Variants in MAP6D1 observed in about 807,000 individuals in gnomAD.
The protein encoded by MAP6D1 is MAP6 domain containing 1.
In MAP6D1, 13 loss-of-function variants were observed where a neutral mutation model predicts 17.4. That is an observed-to-expected ratio of 0.75 (90% CI 0.49 to 1.19). The LOEUF (loss-of-function observed/expected upper bound fraction) is 1.19. MAP6D1 is among the 50% of genes most tolerant of loss of function. The probability of loss-of-function intolerance (pLI) is 0.00; values close to 1 mark genes in which losing one functional copy is unlikely to be tolerated. For missense variants in MAP6D1, 313 were observed against 312.6 expected (o/e 1.00, Z -0.01); for synonymous variants, 141 against 145.7 (o/e 0.97, Z 0.23).
chr3:183,822,863 G>A (rs1032802526), intron 1 of MAP6D1, among the ~76,000 whole-genome samples: 1 of 152,254 alleles, frequency 6.6e-6, no homozygotes, highest in Admixed American at 6.5e-5. Flanking sequence ...GCAGGGCAAG[G>A]GGTGGAGCTT....
chr3:183,825,261 C>A lies in MAP6D1; in HGVS notation c.287G>T (p.Arg96Leu). The change falls in exon 1 of 3, where the codon CGC becomes CTC. Residue 96 changes from arginine (R) to leucine (L), a missense_variant. Coordinates refer to ENST00000318631, the MANE Select transcript of MAP6D1 (RefSeq NM_024871.4). The part of the protein sequence containing the change: ...PPGRGPGAGG[R>L]RGKSSAQSSA... ...GGACTGCGCGGAGGATTTGCCCCTG[C>A]GGCCGCCCGCCCCCGGTCCGCGCCC... The A allele has an allele frequency of 4.5e-6, 6 of 1,347,722 alleles. No homozygotes were observed. Among genetic ancestry groups the A allele is most frequent in the Non-Finnish European group, 5.7e-6 (6 of 1,051,668 alleles). The allele number at this position is 1,347,722 out of a possible 1,614,324, so 83.5% of individuals were successfully genotyped here. A position where few individuals can be genotyped will look rare whatever the true frequency, so the allele number is the denominator to read the frequency against.
chr3:183,824,350 C>T (rs1164699253), intron 1 of MAP6D1, among the ~76,000 whole-genome samples: 1 of 152,108 alleles, frequency 6.6e-6, no homozygotes, highest in East Asian at 1.9e-4. Context: ...AAATACTGCA[C>T]GTTTATTAAA....
chr3:183,817,830 G>T (rs1279872571), intron 2 of MAP6D1, among the ~76,000 whole-genome samples, 164 bp downstream of exon 2: 1 of 152,198 alleles, frequency 6.6e-6, no homozygotes, highest in Non-Finnish European at 1.5e-5. Flanking sequence ...CACCCAGCTG[G>T]CTACTGATGA....
intron 1 of MAP6D1, among the ~76,000 whole-genome samples, chr3:183,819,941 A>T (rs145353422): frequency 6.6e-6 from 1 of 152,216 alleles, no homozygotes; most frequent in Non-Finnish European, 1.5e-5. Context: ...GGGAGCAAGG[A>T]CTGCCTTCCA....
intron 1 of MAP6D1, among the ~76,000 whole-genome samples, chr3:183,824,199 G>A (rs1243451863): frequency 1.3e-5 from 2 of 152,098 alleles, no homozygotes; most frequent in African/African-American, 4.8e-5. Context: ...ATACCTGTAG[G>A]GAAAATTCCT....
intron 1 of MAP6D1, among the ~76,000 whole-genome samples, chr3:183,822,394 T>C (rs2108563534): frequency 6.6e-6 from 1 of 151,598 alleles, no homozygotes; most frequent in Middle Eastern, 3.4e-3. Flanking sequence ...TGAACTGAGA[T>C]CATGTCCCTG....
chr3:183,816,111 T>G lies in MAP6D1; in HGVS notation c.*1245A>C, dbSNP rs1039674463. ...GAGCCTCTCATCAAGAGCATTTCCTTTGCTGGCATGAGGGGAGGGCTGTGC... is the reference window on the plus strand; with the variant it reads ...GAGCCTCTCATCAAGAGCATTTCCTGTGCTGGCATGAGGGGAGGGCTGTGC... On this transcript the variant is annotated 3_prime_UTR_variant, in exon 3 of 3. Transcript: ENST00000318631. 1 of 152,176 alleles carries G rather than the reference T, an allele frequency of 6.6e-6. No individual in the cohort carries two copies. Among genetic ancestry groups the G allele is most frequent in the Non-Finnish European group, 1.5e-5 (1 of 68,040 alleles). The allele number at this position is 152,176 out of a possible 1,614,324, so 9.4% of individuals were successfully genotyped here.
intron 2 of MAP6D1, among the ~76,000 whole-genome samples, 157 bp from the exon 3 acceptor site, chr3:183,817,593 T>C (rs1388793321): frequency 6.6e-6 from 1 of 152,114 alleles, no homozygotes; most frequent in African/African-American, 2.4e-5. Flanking sequence ...CCGTGAGCCA[T>C]AGGCGTCACT....
chr3:183,820,984 A>C (rs1365886684), intron 1 of MAP6D1, among the ~76,000 whole-genome samples: 1 of 151,320 alleles, frequency 6.6e-6, no homozygotes, highest in Non-Finnish European at 1.5e-5. Context: ...AGTCCCAGCT[A>C]CTCTGGAGGC....
chr3:183,823,753 C>T (rs1727310589), intron 1 of MAP6D1, among the ~76,000 whole-genome samples: 1 of 152,190 alleles, frequency 6.6e-6, no homozygotes, highest in Non-Finnish European at 1.5e-5. Flanking sequence ...TGCACCACTG[C>T]ACTCCAGCCT....
chr3:183,820,823 C>T (rs1479453888), intron 1 of MAP6D1, among the ~76,000 whole-genome samples: 1 of 152,084 alleles, frequency 6.6e-6, no homozygotes, highest in South Asian at 2.1e-4. Flanking sequence ...AGGAGAATGG[C>T]GTGAACCCGG....
chr3:183,817,765 G>A (rs1727151307), intron 2 of MAP6D1, among the ~76,000 whole-genome samples: 1 of 152,164 alleles, frequency 6.6e-6, no homozygotes, highest in Non-Finnish European at 1.5e-5. Flanking sequence ...AGGGTAAGAT[G>A]GGGATTTAGG....
intron 1 of MAP6D1, among the ~76,000 whole-genome samples, chr3:183,819,227 T>C (rs1014136058): frequency 2.6e-4 from 39 of 152,246 alleles, no homozygotes; most frequent in African/African-American, 8.9e-4. Flanking sequence ...GCTGTGTCCA[T>C]GGCCAGCACT....
Position 183,817,140 on chromosome 3 carries a change from G to C in MAP6D1, c.*216C>G, listed in dbSNP as rs181632135. 4.1e-4 allele frequency: 225 copies of C among 551,116 alleles called. 2 individuals are homozygous for C. The highest frequency in any genetic ancestry group is 6.6e-4 in the Non-Finnish European group (203 of 306,662). 34.1% of individuals were successfully genotyped at this position (551,116 alleles called of 1,614,324 possible). A position where few individuals can be genotyped will look rare whatever the true frequency, so the allele number is the denominator to read the frequency against. On this transcript the variant is annotated 3_prime_UTR_variant, in exon 3 of 3. Coordinates refer to ENST00000318631, the MANE Select transcript of MAP6D1 (RefSeq NM_024871.4). ...TAACGAACGCAGGAGCCTTCCACAG[G>C]CTTCTCAAGAGGATGCTTGAGGCTG...
intron 1 of MAP6D1, among the ~76,000 whole-genome samples, chr3:183,819,239 G>T (rs1727189105): frequency 6.6e-6 from 1 of 152,276 alleles, no homozygotes; most frequent in African/African-American, 2.4e-5. Context: ...GCCAGCACTG[G>T]GGTGCCAGGA....
At chr3:183,821,317 C>T (rs147212567) in intron 1 of MAP6D1, among the ~76,000 whole-genome samples, 146 of 152,292 alleles carry the variant, frequency 9.6e-4, no homozygotes, top group African/African-American at 3.2e-3. Flanking sequence ...GGGTTCCACT[C>T]CCTTCTCTGC....
Position 183,825,375 on chromosome 3 carries a change from C to A in MAP6D1, c.173G>T (p.Arg58Leu). Residue 58 changes from arginine to leucine, a missense_variant, in exon 1 of 3, where the codon CGG (arginine) becomes CTG (leucine). Coordinates refer to ENST00000318631, the MANE Select transcript of MAP6D1 (RefSeq NM_024871.4). ...GAGCGGCACGTCCCGGCCGGAATCC[C>A]GGGCGCCCGCGGGAGGCTGGCCCCT... ...SRRGQPPAGA[R>L]DSGRDVPLTQ... is the part of the protein sequence containing the mutation. The A allele has an allele frequency of 6.9e-7, 1 of 1,441,596 alleles. No homozygotes were observed. The allele number at this position is 1,441,596 out of a possible 1,614,324, so 89.3% of individuals were successfully genotyped here. A position where few individuals can be genotyped will look rare whatever the true frequency, so the allele number is the denominator to read the frequency against.
chr3:183,817,846 T>A, intron 2 of MAP6D1, 148 bp downstream of exon 2: 1 of 710,642 alleles, frequency 1.4e-6, no homozygotes, highest in Non-Finnish European at 2.5e-6. Flanking sequence ...GATGAGGAAG[T>A]ACCTTGGGTT....
intron 1 of MAP6D1, among the ~76,000 whole-genome samples, chr3:183,822,648 G>A (rs989466863): frequency 4.6e-5 from 7 of 152,180 alleles, no homozygotes; most frequent in African/African-American, 1.4e-4. Flanking sequence ...TAAGGAACTC[G>A]CTGGGGGACA....
Sources: gnomAD v4.1 joint callset for allele counts (sites outside exome capture counted in the v4.1 genomes callset) on GRCh38, gnomAD v4.1.1 for gene constraint, MANE v1.5 for transcripts, NCBI Gene and HGNC (gene_info 2026-07-23, HGNC 2026-07-21) for gene names.